The following SLC26A7 variants were observed in gnomAD, a reference collection of about 807,000 sequenced individuals.
The protein encoded by SLC26A7 is anion exchange transporter.
SLC26A7 carries 59 observed loss-of-function variants against 82.5 expected under a neutral mutation model. The ratio of observed to expected loss-of-function variants is 0.72; its 90% CI spans 0.58 to 0.89. The LOEUF (loss-of-function observed/expected upper bound fraction) is 0.89. Among genes scored for constraint, SLC26A7 ranks in the 40% least tolerant of loss-of-function variants. The pLI is 0.00. For synonymous variants in SLC26A7, 271 were observed against 274.3 expected (o/e 0.99, Z 0.12); for missense variants, 820 against 793.0 (o/e 1.03, Z -0.41).
At chr8:91,256,060 G>A (rs1161029224) in intron 2 of SLC26A7, among the ~76,000 whole-genome samples, 1 of 152,112 alleles carries the variant, frequency 6.6e-6, no homozygotes, top group Non-Finnish European at 1.5e-5. Flanking sequence ...ACAGCAGATG[G>A]TGTCCAGGCT....
intron 1 of SLC26A7, among the ~76,000 whole-genome samples, chr8:91,213,537 A>G (rs1809976040): frequency 6.6e-6 from 1 of 152,242 alleles, no homozygotes; most frequent in African/African-American, 2.4e-5. Context: ...TGCTAAGTAC[A>G]ATGCGAATAA....
At position 91,302,707 on chromosome 8, in the gene SLC26A7, T is replaced by C. The variant is rs113635524; in HGVS notation, c.477+7004T>C. Among the ~76,000 whole-genome samples the C allele has an allele frequency of 1.5e-3, 229 of 152,196 alleles. 2 individuals are homozygous for C. The highest frequency in any genetic ancestry group is 5.4e-3 in the African/African-American group (226 of 41,546). ...CAAAATTTTTTCTTGACCATTGTAA[T>C]CCCACTCCGTTAGCTCCCCTCCTCA... On this transcript the variant is annotated intron_variant, in intron 4 of 18. Transcript: ENST00000276609.
intron 2 of SLC26A7, among the ~76,000 whole-genome samples, chr8:91,267,356 C>T (rs138807221): frequency 0.011 from 1,637 of 151,766 alleles, 13 homozygotes; most frequent in Non-Finnish European, 0.019. Context: ...TTTAAATGTT[C>T]GATAGAATTC....
At chr8:91,216,238 AAGAAGG>A (rs1478684511) in intron 1 of SLC26A7, among the ~76,000 whole-genome samples, 1 of 152,156 alleles carries the variant, frequency 6.6e-6, no homozygotes, top group Non-Finnish European at 1.5e-5. Context: ...TGTTTCCCCC[AAGAAGG>A]GGAAAGAGGG....
Position 91,397,027 on chromosome 8 carries a change from G to A in SLC26A7, c.*1930G>A, listed in dbSNP as rs1808590124. 6.6e-6 allele frequency: 1 copy of A among 152,052 alleles called. No homozygotes were observed. Among genetic ancestry groups the A allele is most frequent in the Non-Finnish European group, 1.5e-5 (1 of 67,930 alleles). The allele number at this position is 152,052 out of a possible 1,614,324, so 9.4% of individuals were successfully genotyped here. A position where few individuals can be genotyped will look rare whatever the true frequency, so the allele number is the denominator to read the frequency against. ...ACATTAAAATCATAGTTAATTGATGGATGGTTTTTATAGTTTGTTGATAAA... is the reference window on the plus strand; with the variant it reads ...ACATTAAAATCATAGTTAATTGATGAATGGTTTTTATAGTTTGTTGATAAA... On this transcript the variant is annotated 3_prime_UTR_variant, in exon 19 of 19. Transcript: ENST00000276609.
intron 14 of SLC26A7, among the ~76,000 whole-genome samples, chr8:91,368,413 G>GTTTTTTTT (rs565439844): frequency 3.4e-5 from 5 of 144,982 alleles, no homozygotes; most frequent in Non-Finnish European, 6.0e-5. Context: ...TTCAGATGAG[G>GTTTTTTTT]TTTTTTTTTT....
rs114182748 is a variant in SLC26A7, at chr8:91,353,538, C to T, written c.1314+542C>T. Among the ~76,000 whole-genome samples, 875 of 152,200 alleles carry T rather than the reference C, an allele frequency of 5.7e-3. 4 individuals are homozygous for T. Among genetic ancestry groups the T allele is most frequent in the African/African-American group, 0.01 (424 of 41,560 alleles). On this transcript the variant is annotated intron_variant, in intron 11 of 18. Coordinates refer to ENST00000276609, the MANE Select transcript of SLC26A7 (RefSeq NM_052832.4). ...GAACCATGATAAAGTGTGATTTCTA[C>T]GAACATAAATAGCACACTGATTCTA...
chr8:91,211,616 A>ATTT (rs34106795), intron 1 of SLC26A7, among the ~76,000 whole-genome samples: 45 of 137,532 alleles, frequency 3.3e-4, no homozygotes, highest in Non-Finnish European at 5.0e-4. Flanking sequence ...ATATATATAT[A>ATTT]TTTTTTTTTT....
At chr8:91,374,041 C>T (rs1211990984) in intron 15 of SLC26A7, among the ~76,000 whole-genome samples, 1 of 151,820 alleles carries the variant, frequency 6.6e-6, no homozygotes, top group African/African-American at 2.4e-5. Flanking sequence ...CTCTGAAGAT[C>T]TCCTGGATTT....
intron 2 of SLC26A7, among the ~76,000 whole-genome samples, chr8:91,259,222 A>G (rs1810892961): frequency 6.6e-6 from 1 of 152,100 alleles, no homozygotes; most frequent in Non-Finnish European, 1.5e-5. Context: ...CACAGGTTCC[A>G]TATTCCCAAA....
Position 91,267,908 on chromosome 8 carries a change from T to G in SLC26A7, c.193+18064T>G, listed in dbSNP as rs746989217. ...TTGCTATAAACTTCTCTCTTAGAAC[T>G]GCTTTTGCTGTATCCTACAGGTTTT... On this transcript the variant is annotated intron_variant, in intron 2 of 18. Coordinates refer to ENST00000276609, the MANE Select transcript of SLC26A7 (RefSeq NM_052832.4). Among the ~76,000 whole-genome samples the G allele has an allele frequency of 4.6e-5, 7 of 151,992 alleles. No individual in the cohort carries two copies. The South Asian group carries it at 1.5e-3, about 32-fold the overall frequency.
chr8:91,363,571 T>C (rs1213394179), intron 13 of SLC26A7, 33 bp downstream of exon 13: 2 of 1,248,536 alleles, frequency 1.6e-6, no homozygotes, highest in Admixed American at 4.6e-5. Context: ...TTTATGCAAT[T>C]GTTAATCATT....
At chr8:91,289,065 C>A in intron 2 of SLC26A7, 71 bp from the exon 3 acceptor site, 1 of 943,100 alleles carries the variant, frequency 1.1e-6, no homozygotes. Context: ...AAACCAATAC[C>A]TATTCTTTTG....
chr8:91,238,307 T>C (rs1269682007), intron 2 of SLC26A7, among the ~76,000 whole-genome samples: 1 of 152,128 alleles, frequency 6.6e-6, no homozygotes. Flanking sequence ...TTTATTTTTC[T>C]TCATTATGAA....
intron 2 of SLC26A7, among the ~76,000 whole-genome samples, chr8:91,269,017 A>G (rs1192211809): frequency 6.6e-6 from 1 of 151,596 alleles, no homozygotes; most frequent in Admixed American, 6.6e-5. Context: ...TGATGTTTCA[A>G]CTTACGTATT....
At chr8:91,242,941 T>A (rs1045432978) in intron 2 of SLC26A7, among the ~76,000 whole-genome samples, 1 of 152,150 alleles carries the variant, frequency 6.6e-6, no homozygotes, top group African/African-American at 2.4e-5. Flanking sequence ...TTGACTAGAT[T>A]CAAGATATCA....
At chr8:91,388,752 C>T (rs914070801) in intron 15 of SLC26A7, among the ~76,000 whole-genome samples, 3 of 152,090 alleles carry the variant, frequency 2.0e-5, no homozygotes, top group African/African-American at 7.2e-5. Context: ...TTGTTGTTTT[C>T]ATCAGGTAGA....
chr8:91,234,823 ACCTACTTC>A (rs1205664780), intron 2 of SLC26A7, among the ~76,000 whole-genome samples: 1,575 of 74,046 alleles, frequency 0.021, 12 homozygotes, highest in Admixed American at 0.025. Context: ...CTACCTACCT[ACCTACTTC>A]CTTCCTTCCT....
At chr8:91,392,413 G>A (rs1159384774) in intron 16 of SLC26A7, among the ~76,000 whole-genome samples, 1 of 152,082 alleles carries the variant, frequency 6.6e-6, no homozygotes, top group Non-Finnish European at 1.5e-5. Flanking sequence ...TTGTTGTGAG[G>A]CTTAAAAATG....
Sources: gnomAD v4.1 joint callset for allele counts (sites outside exome capture counted in the v4.1 genomes callset) on GRCh38, gnomAD v4.1.1 for gene constraint, MANE v1.5 for transcripts, NCBI Gene and HGNC (gene_info 2026-07-23, HGNC 2026-07-21) for gene names.